ENPP3: variants seen among roughly 807,000 people sequenced by gnomAD.
ENPP3 encodes ectonucleotide pyrophosphatase/phosphodiesterase 3.
Under a neutral mutation model 117.8 loss-of-function variants are expected in ENPP3, and 104 were observed. The observed-to-expected ratio is 0.88, with a 90% confidence interval of 0.75 to 1.04. The LOEUF (loss-of-function observed/expected upper bound fraction) is 1.04, where lower values mean the gene tolerates loss of function less well. Ranked by LOEUF, ENPP3 falls within the 50% of genes least tolerant of loss-of-function variation. The pLI is 0.00. For missense variants in ENPP3, 1,026 were observed against 1,051.9 expected, an observed-to-expected ratio of 0.98 and a Z score of 0.34; for synonymous variants, 380 against 349.9, an observed-to-expected ratio of 1.09 and a Z score of -0.96.
chr6:131,730,230 T>A (rs1285248386), intron 20 of ENPP3, among the ~76,000 whole-genome samples: 1 of 152,206 alleles, frequency 6.6e-6, no homozygotes, highest in East Asian at 1.9e-4. Context: ...GGGGCCAACT[T>A]GGTCAGCAGT....
At chr6:131,689,637 A>G (rs151222162) in intron 14 of ENPP3, among the ~76,000 whole-genome samples, 29 of 152,348 alleles carry the variant, frequency 1.9e-4, no homozygotes, top group East Asian at 1.3e-3. Flanking sequence ...ATGTCTGCTA[A>G]CACATCTATT....
At chr6:131,658,247 TA>T in intron 5 of ENPP3, 75 bp from the exon 6 acceptor site, 1 of 797,052 alleles carries the variant, frequency 1.3e-6, no homozygotes, top group Non-Finnish European at 2.2e-6. Flanking sequence ...AACACAGGTC[TA>T]AAAAAGGATT....
At chr6:131,674,412 T>C in intron 8 of ENPP3, 131 bp downstream of exon 8, 1 of 851,318 alleles carries the variant, frequency 1.2e-6, no homozygotes, top group Non-Finnish European at 2.0e-6. Context: ...GGTGCAAAGG[T>C]GTTTTACCAC....
At chr6:131,665,153 T>A (rs993152222) in intron 6 of ENPP3, among the ~76,000 whole-genome samples, 1 of 152,318 alleles carries the variant, frequency 6.6e-6, no homozygotes, top group Admixed American at 6.5e-5. Context: ...TTTGGTTTGC[T>A]AGTATTTTGT....
intron 5 of ENPP3, among the ~76,000 whole-genome samples, chr6:131,656,362 A>G (rs1778384534): frequency 6.6e-6 from 1 of 152,212 alleles, no homozygotes; most frequent in Non-Finnish European, 1.5e-5. Flanking sequence ...TAGTCAATAC[A>G]TCATGATTTG....
chr6:131,676,735 G>T lies in ENPP3; in HGVS notation c.873-1G>T, dbSNP rs1778876078. 1 of 1,589,560 alleles carries T rather than the reference G, an allele frequency of 6.3e-7. No homozygotes were observed. The highest frequency in any genetic ancestry group is 1.1e-5 in the South Asian group (1 of 90,532). The stretch of plus-strand genomic sequence containing the variant: ...GAATTATTTCTACCCTATTTTTTCA[G>T]AAGTGTCCCATTTGAAGAGAGGATT... On this transcript the variant is annotated splice_acceptor_variant, in intron 9 of 24. Transcript: ENST00000357639. LOFTEE classifies it high-confidence loss of function.
chr6:131,719,391 A>C (rs1212044930), intron 16 of ENPP3, among the ~76,000 whole-genome samples: 1 of 141,472 alleles, frequency 7.1e-6, no homozygotes, highest in African/African-American at 2.9e-5. Flanking sequence ...TAACACACAC[A>C]CACACACACA....
intron 11 of ENPP3, among the ~76,000 whole-genome samples, chr6:131,682,187 T>G (rs1434876304): frequency 6.6e-6 from 1 of 152,130 alleles, no homozygotes; most frequent in South Asian, 2.1e-4. Flanking sequence ...TTCTTAAGAA[T>G]GTGTCATCAT....
chr6:131,661,588 C>T (rs186068760), intron 6 of ENPP3, among the ~76,000 whole-genome samples: 1 of 152,058 alleles, frequency 6.6e-6, no homozygotes, highest in East Asian at 1.9e-4. Flanking sequence ...CTGTGCCCAG[C>T]CTCATTTTGG....
chr6:131,680,534 A>C (rs1186786545), intron 11 of ENPP3, among the ~76,000 whole-genome samples: 2 of 152,210 alleles, frequency 1.3e-5, no homozygotes, highest in Non-Finnish European at 2.9e-5. Flanking sequence ...CTAAGGAGAA[A>C]GCAAAGAGAG....
intron 15 of ENPP3, among the ~76,000 whole-genome samples, chr6:131,695,952 G>A (rs1779395665): frequency 6.6e-6 from 1 of 150,736 alleles, no homozygotes; most frequent in Non-Finnish European, 1.5e-5. Flanking sequence ...TAAATCCTGG[G>A]TTCACTCTCT....
intron 19 of ENPP3, 78 bp from the exon 20 acceptor site, chr6:131,725,968 T>C: frequency 3.4e-6 from 3 of 887,992 alleles, no homozygotes; most frequent in South Asian, 3.1e-5. Context: ...TGGTAGTTAT[T>C]ATATGGGTAG....
At chr6:131,672,277 T>A (rs1778760931) in intron 7 of ENPP3, among the ~76,000 whole-genome samples, 1 of 152,204 alleles carries the variant, frequency 6.6e-6, no homozygotes. Context: ...TCACTGTCTA[T>A]TGAATGCCAT....
In ENPP3 at chr6:131,733,692, G is replaced by T; in HGVS notation, c.2058G>T (p.Lys686Asn). The T allele has an allele frequency of 6.2e-7, 1 of 1,614,056 alleles. No individual in the cohort carries two copies. The highest frequency in any genetic ancestry group is 1.3e-5 in the African/African-American group (1 of 75,044). Residue 686 changes from lysine to asparagine, a missense_variant, in exon 21 of 25, where the codon AAG becomes AAT. Physicochemically the swap from Lys to Asn is moderately conservative, Grantham distance 94 (BLOSUM62 0). Coordinates refer to ENST00000357639, the MANE Select transcript of ENPP3 (RefSeq NM_005021.5). The stretch of plus-strand genomic sequence containing the variant: ...AATGTTCCTTCTATTTAGCAGACAA[G>T]AATATCACCCACGGCTTCCTCTATC... ...SQKCSFYLADKNITHGFLYPP... is the reference protein window; with the variant it reads ...SQKCSFYLADNNITHGFLYPP...
At position 131,652,872 on chromosome 6, in the gene ENPP3, C is replaced by G; in HGVS notation, c.445C>G (p.Gln149Glu). ...GGAAGAAAACTGTGACACAGCCCAG[C>G]AGTCTCAGTGCCCAGAAGGGTGAGC... The part of the protein sequence containing the change: ...WLEENCDTAQ[Q>E]SQCPEGFDLP... Residue 149 changes from glutamine (Q) to glutamate (E), a missense_variant, in exon 5 of 25, where the codon CAG becomes GAG. By Grantham distance (29) the Gln-to-Glu change is conservative. Transcript: ENST00000357639. 1 of 1,612,316 alleles carries G rather than the reference C, an allele frequency of 6.2e-7. No homozygotes were observed. The highest frequency in any genetic ancestry group is 8.5e-7 in the Non-Finnish European group (1 of 1,178,416).
At position 131,718,719 on chromosome 6, in the gene ENPP3, A is replaced by T. The variant is rs751674155; in HGVS notation, c.1460A>T (p.Asn487Ile). Residue 487 changes from asparagine (N) to isoleucine (I), a missense_variant, in exon 16 of 25, where the codon AAT (asparagine) becomes ATT (isoleucine). Asn to Ile is a moderately radical substitution (Grantham distance 149). Coordinates refer to ENST00000357639, the MANE Select transcript of ENPP3 (RefSeq NM_005021.5). ...NCGGGNHGYN[N>I]EFRSMEAIFL... ...GGAGGAGGCAACCATGGTTATAACA[A>T]TGAGTTTAGGAGCATGGAGGTAACT... 1.0e-5 allele frequency: 16 copies of T among 1,604,978 alleles called. No homozygotes were observed. The South Asian group carries it at 1.1e-4, about 11-fold the overall frequency.
chr6:131,739,166 A>G (rs930376780), intron 23 of ENPP3, among the ~76,000 whole-genome samples: 1 of 152,246 alleles, frequency 6.6e-6, no homozygotes, highest in Non-Finnish European at 1.5e-5. Flanking sequence ...TAAGTGGTAA[A>G]GCCAGAATAT....
chr6:131,746,346 C>T (rs980080948), intron 24 of ENPP3, among the ~76,000 whole-genome samples: 15 of 151,566 alleles, frequency 9.9e-5, no homozygotes, highest in Admixed American at 7.9e-4. Flanking sequence ...ACGTTAATAC[C>T]GAATGAAAAA....
chr6:131,724,721 T>C (rs1056925971), intron 19 of ENPP3, among the ~76,000 whole-genome samples: 4 of 152,192 alleles, frequency 2.6e-5, no homozygotes, highest in Non-Finnish European at 4.4e-5. Context: ...ACTAGTTGTT[T>C]TGATAATCTT....
Sources: gnomAD v4.1 joint callset for allele counts (sites outside exome capture counted in the v4.1 genomes callset) on GRCh38, gnomAD v4.1.1 for gene constraint, MANE v1.5 for transcripts, NCBI Gene and HGNC (gene_info 2026-07-23, HGNC 2026-07-21) for gene names.